PTPRT: variants seen among roughly 807,000 people sequenced by gnomAD.
PTPRT encodes the protein protein tyrosine phosphatase receptor type T.
Under a neutral mutation model 176.8 loss-of-function variants are expected in PTPRT, and 56 were observed. The observed-to-expected ratio is 0.32, with a 90% CI of 0.26 to 0.40. PTPRT has a LOEUF of 0.40. Among genes scored for constraint, PTPRT ranks in the 10% least tolerant of loss-of-function variants. The pLI is 1.00. For missense variants in PTPRT, 1,540 were observed against 1,908.2 expected, an observed-to-expected ratio of 0.81 and a Z score of 3.60; for synonymous variants, 783 against 739.0, an observed-to-expected ratio of 1.06 and a Z score of -0.96.
intron 6 of PTPRT, among the ~76,000 whole-genome samples, chr20:42,702,491 T>C (rs1456071715): frequency 6.6e-6 from 1 of 152,154 alleles, no homozygotes; most frequent in Non-Finnish European, 1.5e-5. Flanking sequence ...CTGTACTGCA[T>C]CTGACAAAGC....
At chr20:42,241,002 T>A (rs750698442) in intron 14 of PTPRT, among the ~76,000 whole-genome samples, 1 of 152,228 alleles carries the variant, frequency 6.6e-6, no homozygotes, top group African/African-American at 2.4e-5. Context: ...AATAACCTTA[T>A]GAGGCATTAT....
intron 12 of PTPRT, among the ~76,000 whole-genome samples, chr20:42,286,041 G>T: frequency 6.6e-6 from 1 of 151,990 alleles, no homozygotes; most frequent in Admixed American, 6.6e-5. Context: ...GGAGGTAAAA[G>T]ACCTCTACAA....
At chr20:42,464,976 G>A (rs755261166) in intron 8 of PTPRT, among the ~76,000 whole-genome samples, 51 of 151,956 alleles carry the variant, frequency 3.4e-4, no homozygotes, top group Non-Finnish European at 6.9e-4. Context: ...TCAAGTACAT[G>A]AGTTTTTTAA....
chr20:43,133,516 C>G (rs890302253), intron 1 of PTPRT, among the ~76,000 whole-genome samples: 1 of 152,026 alleles, frequency 6.6e-6, no homozygotes, highest in Admixed American at 6.6e-5. Flanking sequence ...GAGGCCGAGG[C>G]AGGCGGATCA....
At chr20:43,076,390 T>A (rs751262918) in intron 1 of PTPRT, among the ~76,000 whole-genome samples, 4 of 151,444 alleles carry the variant, frequency 2.6e-5, no homozygotes, top group Non-Finnish European at 5.9e-5. Flanking sequence ...TAGGATTTGA[T>A]CTTCTCTTCC....
chr20:42,863,686 T>C (rs1174157478), intron 2 of PTPRT, among the ~76,000 whole-genome samples: 2 of 152,200 alleles, frequency 1.3e-5, no homozygotes, highest in East Asian at 3.8e-4. Context: ...TAGAGGGATG[T>C]AAACTCCATC....
At chr20:42,629,644 T>C (rs2074366712) in intron 7 of PTPRT, among the ~76,000 whole-genome samples, 1 of 152,186 alleles carries the variant, frequency 6.6e-6, no homozygotes, top group Admixed American at 6.5e-5. Flanking sequence ...TGTCCTAAGA[T>C]GGTCTGCTTG....
the PTPRT span, among the ~76,000 whole-genome samples, chr20:42,036,615 G>T: frequency 6.6e-6 from 1 of 152,120 alleles, no homozygotes; most frequent in African/African-American, 2.4e-5. Flanking sequence ...CAGGAATCCC[G>T]AAGAGCACTT....
intron 1 of PTPRT, among the ~76,000 whole-genome samples, chr20:42,923,224 C>T (rs1022939906): frequency 6.6e-6 from 1 of 152,186 alleles, no homozygotes; most frequent in Non-Finnish European, 1.5e-5. Flanking sequence ...TCTGGGTTCA[C>T]AGGTGACATA....
At chr20:42,966,778 T>C (rs1982319117) in intron 1 of PTPRT, among the ~76,000 whole-genome samples, 1 of 152,208 alleles carries the variant, frequency 6.6e-6, no homozygotes, top group Non-Finnish European at 1.5e-5. Flanking sequence ...CCATTGTACG[T>C]GATCATCAGG....
chr20:42,684,556 T>G (rs984637215), intron 6 of PTPRT, among the ~76,000 whole-genome samples: 3 of 152,054 alleles, frequency 2.0e-5, no homozygotes, highest in Non-Finnish European at 4.4e-5. Context: ...TTGGAAGTAT[T>G]TAGAGAGAAG....
At chr20:43,180,677 G>A (rs1034130549) in intron 1 of PTPRT, among the ~76,000 whole-genome samples, 1 of 151,960 alleles carries the variant, frequency 6.6e-6, no homozygotes, top group Non-Finnish European at 1.5e-5. Flanking sequence ...TGGCCAGGTT[G>A]GTCTCGAACT....
chr20:42,886,956 G>T (rs1426809158), intron 1 of PTPRT, among the ~76,000 whole-genome samples: 3 of 152,200 alleles, frequency 2.0e-5, no homozygotes, highest in Admixed American at 1.3e-4. Context: ...ATGCAGGGAG[G>T]CAGAACTGGG....
chr20:43,119,140 G>A (rs1225363847), intron 1 of PTPRT, among the ~76,000 whole-genome samples: 1 of 152,188 alleles, frequency 6.6e-6, no homozygotes, highest in East Asian at 1.9e-4. Context: ...TCGCCATAAT[G>A]TTGTTTTTCA....
chr20:42,758,488 C>CCAGGCTA (rs572686719), intron 5 of PTPRT, among the ~76,000 whole-genome samples: 81 of 152,208 alleles, frequency 5.3e-4, no homozygotes, highest in African/African-American at 1.5e-3. Flanking sequence ...GAGACTTGCT[C>CCAGGCTA]CAGGCTACAG....
At chr20:42,330,670 G>T (rs1197212495) in intron 11 of PTPRT, among the ~76,000 whole-genome samples, 3 of 152,026 alleles carry the variant, frequency 2.0e-5, no homozygotes, top group Non-Finnish European at 4.4e-5. Flanking sequence ...CTATGATCAC[G>T]CCACTGCTCT....
chr20:42,044,140 T>G, the PTPRT span, among the ~76,000 whole-genome samples: 2 of 152,146 alleles, frequency 1.3e-5, no homozygotes. Flanking sequence ...ATGGGGTGGT[T>G]GTTTCCCAGA....
intron 7 of PTPRT, among the ~76,000 whole-genome samples, chr20:42,656,790 T>C (rs2425506): frequency 0.84 from 127,064 of 152,170 alleles, 53,252 homozygotes; most frequent in East Asian, 0.94. Context: ...ATTGTACATC[T>C]ATATAACAGT....
rs1212786916 is a variant in PTPRT, at chr20:42,074,039, C to T, written c.*6840G>A. On this transcript the variant is annotated 3_prime_UTR_variant, in exon 31 of 31. Transcript: ENST00000373187. ...AGAGGAGTGACCTGGGTCTAGCAAA[C>T]TGTGCTTGACTTCATCCAAGAATCT... is the stretch of plus-strand genomic sequence containing the variant. 1 of 230,048 alleles carries T rather than the reference C, an allele frequency of 4.3e-6. No individual in the cohort carries two copies. Among genetic ancestry groups the T allele is most frequent in the Non-Finnish European group, 8.6e-6 (1 of 116,132 alleles). The allele number at this position is 230,048 out of a possible 1,614,324, so 14.3% of individuals were successfully genotyped here.
Sources: allele counts gnomAD v4.1 joint callset (sites outside exome capture counted in the v4.1 genomes callset), GRCh38; gene constraint gnomAD v4.1.1; transcripts MANE v1.5; gene names NCBI Gene and HGNC (gene_info 2026-07-23, HGNC 2026-07-21).